The following INSL6 variants were observed in gnomAD, a reference collection of about 807,000 sequenced individuals.
The protein encoded by INSL6 is insulin like 6, also known as insulin-like peptide INSL6.
INSL6 carries 16 observed loss-of-function variants against 9.4 expected under a neutral mutation model. That is an observed-to-expected ratio of 1.70 (90% CI 1.15 to 2.59). The LOEUF (loss-of-function observed/expected upper bound fraction) is 2.59, where lower values mean the gene tolerates loss of function less well. Among genes scored for constraint, INSL6 ranks in the 30% most tolerant of loss-of-function variants. The pLI, the probability that INSL6 is intolerant of heterozygous loss-of-function variation, is 0.00. For missense variants in INSL6, 391 were observed against 257.3 expected (o/e 1.52, Z -3.56); for synonymous variants, 154 against 96.9 (o/e 1.59, Z -3.46).
chr9:5,032,128 C>T, the INSL6 span, among the ~76,000 whole-genome samples: 16 of 152,340 alleles, frequency 1.1e-4, no homozygotes, highest in East Asian at 3.9e-4. Context: ...GAGGGTCCTA[C>T]GCCCACGGAG....
the INSL6 span, among the ~76,000 whole-genome samples, chr9:5,007,301 C>G: frequency 6.6e-6 from 1 of 151,978 alleles, no homozygotes; most frequent in African/African-American, 2.4e-5. Flanking sequence ...ATTATTGATT[C>G]AAAGTATTTT....
At chr9:5,121,063 C>T (rs928386418), downstream of INSL6, among the ~76,000 whole-genome samples, 1 of 152,092 alleles carries the variant, frequency 6.6e-6, no homozygotes, top group Non-Finnish European at 1.5e-5. Context: ...AGGAATAAAT[C>T]TGATGAAGAG....
At chr9:5,103,025 T>A in the INSL6 span, among the ~76,000 whole-genome samples, 1 of 150,920 alleles carries the variant, frequency 6.6e-6, no homozygotes, top group East Asian at 1.9e-4. Flanking sequence ...TAATAACAGG[T>A]TCAAATTCAC....
At chr9:5,093,255 G>C in the INSL6 span, among the ~76,000 whole-genome samples, 2 of 152,086 alleles carry the variant, frequency 1.3e-5, no homozygotes, top group African/African-American at 4.8e-5. Flanking sequence ...AAAAGTAAAA[G>C]GAACTCGGCA....
At chr9:5,181,530 C>T (rs1825454394) in intron 1 of INSL6, among the ~76,000 whole-genome samples, 1 of 151,838 alleles carries the variant, frequency 6.6e-6, no homozygotes, top group Admixed American at 6.6e-5. Context: ...TAATTAAGGA[C>T]TTAATGTGAA....
the INSL6 span, among the ~76,000 whole-genome samples, chr9:5,045,483 T>C: frequency 6.6e-6 from 1 of 152,184 alleles, no homozygotes; most frequent in Non-Finnish European, 1.5e-5. Context: ...TACAAATACA[T>C]TGCTGTACAA....
downstream of INSL6, among the ~76,000 whole-genome samples, chr9:5,160,697 G>T (rs1824907548): frequency 6.6e-6 from 1 of 152,048 alleles, no homozygotes; most frequent in South Asian, 2.1e-4. Flanking sequence ...ATGTTAGCCA[G>T]ACTAACTTAG....
At chr9:5,022,119 C>T in the INSL6 span, 36 of 1,614,014 alleles carry the variant, frequency 2.2e-5, no homozygotes, top group Middle Eastern at 1.6e-4. Context: ...TGTATCTTTA[C>T]CATTCCCTTG....
chr9:5,101,167 C>A, the INSL6 span, among the ~76,000 whole-genome samples: 1 of 152,240 alleles, frequency 6.6e-6, no homozygotes, highest in Non-Finnish European at 1.5e-5. Flanking sequence ...AAAATCAGGA[C>A]ACTTTTGCCC....
intron 1 of INSL6, among the ~76,000 whole-genome samples, chr9:5,181,239 C>G (rs1024854699): frequency 2.0e-5 from 3 of 151,436 alleles, no homozygotes; most frequent in Non-Finnish European, 3.0e-5. Flanking sequence ...TTAGTCAATC[C>G]TAAGGGAAAA....
the INSL6 span, chr9:5,078,199 C>G: frequency 4.7e-6 from 4 of 850,106 alleles, 1 homozygote; most frequent in South Asian, 6.8e-5. Flanking sequence ...AATTATTATA[C>G]TATCATGTAT....
the INSL6 span, among the ~76,000 whole-genome samples, chr9:5,015,732 C>G: frequency 6.6e-6 from 1 of 151,770 alleles, no homozygotes; most frequent in African/African-American, 2.4e-5. Flanking sequence ...TTTTTCGTAG[C>G]AAAGCATCAA....
At chr9:5,024,778 A>G in the INSL6 span, among the ~76,000 whole-genome samples, 1 of 152,308 alleles carries the variant, frequency 6.6e-6, no homozygotes, top group Non-Finnish European at 1.5e-5. Flanking sequence ...TCCTGAATTA[A>G]GTGGAACATA....
At chr9:5,148,600 C>A (rs544412550) in intron 2 of INSL6, among the ~76,000 whole-genome samples, 1 of 152,282 alleles carries the variant, frequency 6.6e-6, no homozygotes, top group South Asian at 2.1e-4. Context: ...GGAGGTACAC[C>A]TAGGCCCCAT....
intron 2 of INSL6, among the ~76,000 whole-genome samples, chr9:5,147,230 G>C (rs1201540108): frequency 6.6e-6 from 1 of 152,162 alleles, no homozygotes; most frequent in Non-Finnish European, 1.5e-5. Context: ...TGGAGGGTCT[G>C]TGCTGTGGAA....
chr9:5,100,903 A>T, the INSL6 span: 1 of 152,208 alleles, frequency 6.6e-6, no homozygotes, highest in Admixed American at 6.5e-5. Context: ...CCGCCAATTA[A>T]AATATCACTT....
chr9:5,015,459 A>G, the INSL6 span, among the ~76,000 whole-genome samples: 2 of 152,066 alleles, frequency 1.3e-5, no homozygotes, highest in Non-Finnish European at 2.9e-5. Flanking sequence ...AGTGAGTTAA[A>G]CGGCTGGCAC....
chr9:5,015,746 AT>A, the INSL6 span, among the ~76,000 whole-genome samples: 2 of 152,042 alleles, frequency 1.3e-5, no homozygotes, highest in Non-Finnish European at 2.9e-5. Context: ...GCATCAATGC[AT>A]TTTCTAAATG....
the INSL6 span, chr9:5,100,616 T>C: frequency 6.6e-6 from 1 of 152,244 alleles, no homozygotes; most frequent in Non-Finnish European, 1.5e-5. Flanking sequence ...CTCAAACGCT[T>C]AGAAGTACCT....
Sources: gnomAD v4.1 joint callset for allele counts (sites outside exome capture counted in the v4.1 genomes callset) on GRCh38, gnomAD v4.1.1 for gene constraint, MANE v1.5 for transcripts, NCBI Gene and HGNC (gene_info 2026-07-23, HGNC 2026-07-21) for gene names.